The following IL9R variants were observed in gnomAD, a reference collection of about 807,000 sequenced individuals.
The protein encoded by IL9R is interleukin-9 receptor.
IL9R carries 54 observed loss-of-function variants against 56.3 expected under a neutral mutation model. The observed-to-expected ratio is 0.96, with a 90% CI of 0.77 to 1.20. The LOEUF is 1.20. Ranked by LOEUF, IL9R falls within the 50% of genes most tolerant of loss-of-function variation. The probability of loss-of-function intolerance (pLI) is 0.00; values close to 1 mark genes in which losing one functional copy is unlikely to be tolerated. For synonymous variants in IL9R, 212 were observed against 250.2 expected, an observed-to-expected ratio of 0.85 and a Z score of 1.44; for missense variants, 545 against 629.8, an observed-to-expected ratio of 0.87 and a Z score of 1.44.
intron 8 of IL9R, among the ~76,000 whole-genome samples, chrX:156,008,995 GTGTGTT>G (rs1435547763): frequency 4.6e-5 from 7 of 151,532 alleles, no homozygotes; most frequent in African/African-American, 9.7e-5. Flanking sequence ...TTAAGTCTGT[GTGTGTT>G]TGTGTGTGTG....
At chrX:155,998,935 AT>A (rs988073073) in intron 1 of IL9R, among the ~76,000 whole-genome samples, 30 of 151,844 alleles carry the variant, frequency 2.0e-4, no homozygotes, top group Non-Finnish European at 2.5e-4. Context: ...CACGGACATC[AT>A]TTTCCCGTCT....
In IL9R at chrX:156,005,287, C is replaced by T; in HGVS notation, c.589C>T (p.His197Tyr). 1 of 1,612,002 alleles carries T rather than the reference C, an allele frequency of 6.2e-7. No homozygotes were observed. ...KQEEAWEQAQHRDHIVGVTWL... is the reference protein window; with the variant it reads ...KQEEAWEQAQYRDHIVGVTWL... Reference sequence around the variant, plus strand: ...GTCCCCACCCCCACAGCAGGCCCAGCACAGGGATCACATTGTCGGGGTGAC... The same window carrying T: ...GTCCCCACCCCCACAGCAGGCCCAGTACAGGGATCACATTGTCGGGGTGAC... Residue 197 changes from histidine (H) to tyrosine (Y), a missense_variant, in exon 6 of 9, where the codon CAC becomes TAC. Transcript: ENST00000244174.
At chrX:156,001,653 G>T (rs988244220) in intron 1 of IL9R, 17 of 631,774 alleles carry the variant, frequency 2.7e-5, no homozygotes, top group African/African-American at 9.5e-5. Flanking sequence ...GTCTGTGTGC[G>T]TGTCTGGTTT....
intron 7 of IL9R, among the ~76,000 whole-genome samples, chrX:156,006,686 G>T (rs945466194): frequency 6.6e-6 from 1 of 152,118 alleles, no homozygotes; most frequent in Non-Finnish European, 1.5e-5. Context: ...TTACAAGACA[G>T]GGTGCAGGGG....
At chrX:156,008,987 A>ATGTCTGTGTGTGTTTGTGTGTGTGTTT (rs2068211360) in intron 8 of IL9R, among the ~76,000 whole-genome samples, 1 of 55,926 alleles carries the variant, frequency 1.8e-5, no homozygotes, top group Non-Finnish European at 4.1e-5. Flanking sequence ...GTGTGTGTTT[A>ATGTCTGTGTGTGTTTGTGTGTGTGTTT]AGTCTGTGTG....
chrX:156,004,588 C>T (rs755026750), intron 5 of IL9R, 23 bp downstream of exon 5: 3 of 1,611,386 alleles, frequency 1.9e-6, no homozygotes, highest in Non-Finnish European at 2.5e-6. Context: ...CTGGCTTTCC[C>T]TGGGGGCCTC....
chrX:156,009,330 GTGTGTT>G (rs2068313875), intron 8 of IL9R, among the ~76,000 whole-genome samples: 2 of 141,080 alleles, frequency 1.4e-5, no homozygotes, highest in African/African-American at 6.0e-5. Flanking sequence ...TTATGTCTGT[GTGTGTT>G]TGTGTGTGTG....
In IL9R at chrX:156,009,800, C is replaced by G. The variant is rs765444941; in HGVS notation, c.973-16C>G. 3 of 1,247,516 alleles carry G rather than the reference C, an allele frequency of 2.4e-6. 1 individual carries two copies. The East Asian group carries it at 1.4e-4, about 58-fold the overall frequency. The allele number at this position is 1,247,516 out of a possible 1,614,324, so 77.3% of individuals were successfully genotyped here. ...ATGCTACCTGAGCCCTTCCCTCCTCCCGTGCTCTGTTCCAGACTTGGATGG... is the reference window on the plus strand; with the variant it reads ...ATGCTACCTGAGCCCTTCCCTCCTCGCGTGCTCTGTTCCAGACTTGGATGG... On this transcript the variant is annotated splice_polypyrimidine_tract_variant and intron_variant, in intron 8 of 8. Transcript: ENST00000244174.
chrX:156,005,502 C>CA, intron 6 of IL9R, 23 bp downstream of exon 6: 1 of 1,601,736 alleles, frequency 6.2e-7, no homozygotes, highest in Non-Finnish European at 8.5e-7. Context: ...GTGGCTGCTG[C>CA]ACTTCCAGCG....
intron 8 of IL9R, among the ~76,000 whole-genome samples, chrX:156,008,513 A>G (rs927627086): frequency 1.3e-5 from 2 of 152,164 alleles, no homozygotes; most frequent in African/African-American, 4.8e-5. Context: ...GGTAGATGTG[A>G]CTGTCAGGAG....
chrX:156,000,616 G>T (rs1287918039), intron 1 of IL9R, among the ~76,000 whole-genome samples: 3 of 152,170 alleles, frequency 2.0e-5, no homozygotes, highest in African/African-American at 7.2e-5. Flanking sequence ...TCTCACAACC[G>T]GCCTGTTACC....
At chrX:156,002,833 G>T (rs191630521) in intron 1 of IL9R, 73 bp from the exon 2 acceptor site, 1 of 1,609,680 alleles carries the variant, frequency 6.2e-7, no homozygotes, top group East Asian at 2.2e-5. Context: ...CACTCTGCTG[G>T]GGAGCAATTC....
At chrX:156,003,987 A>T in intron 4 of IL9R, 132 bp downstream of exon 4, 2 of 972,608 alleles carry the variant, frequency 2.1e-6, no homozygotes, top group East Asian at 2.6e-5. Flanking sequence ...AGTGAGATCC[A>T]GGGCTGGGGG....
rs756740839 is a variant in IL9R, at chrX:156,003,843, C to A, written c.421C>A (p.Pro141Thr). Residue 141 changes from proline to threonine, a missense_variant, in exon 4 of 9, where the codon CCC (proline) becomes ACC (threonine). Pro to Thr is a conservative substitution (Grantham distance 38). Around this residue, in one of 2 missense-constraint regions of IL9R, gnomAD observed 431 missense variants for 360.0 expected, o/e 1.20. Coordinates refer to ENST00000244174, the MANE Select transcript of IL9R (RefSeq NM_002186.3). ...CAGCCTGGTGGACCCGGAGTACCTG[C>A]CCCGGAGACACGGTGAGCAGCAGCT... ...QVSLVDPEYL[P>T]RRHVKLDPPS... The A allele has an allele frequency of 8.7e-6, 14 of 1,613,744 alleles. No homozygotes were observed. The highest frequency in any genetic ancestry group is 1.1e-5 in the Non-Finnish European group (13 of 1,179,826).
At chrX:156,006,475 C>T (rs1289565620) in intron 7 of IL9R, among the ~76,000 whole-genome samples, 7 of 149,754 alleles carry the variant, frequency 4.7e-5, no homozygotes, top group Admixed American at 1.3e-4. Flanking sequence ...AGCTTGGTCC[C>T]GACCAGACCC....
At position 156,004,462 on chromosome X, in the gene IL9R, C is replaced by A. The variant is rs749128859; in HGVS notation, c.476C>A (p.Ser159Tyr). 1 of 1,613,896 alleles carries A rather than the reference C, an allele frequency of 6.2e-7. No homozygotes were observed. Among genetic ancestry groups the A allele is most frequent in the South Asian group, 1.1e-5 (1 of 91,050 alleles). The part of the protein sequence containing the change: ...PPSDLQSNIS[S>Y]GHCILTWSIS... ...TCTGACTTGCAGAGCAACATCAGTT[C>A]TGGCCACTGCATCCTGACCTGGAGC... Residue 159 changes from serine (S) to tyrosine (Y), a missense_variant, in exon 5 of 9, where the codon TCT becomes TAT. By Grantham distance (144) the Ser-to-Tyr change is moderately radical. This residue lies in a region of IL9R where 431 missense variants were observed against 360.0 expected (regional missense o/e 1.20). Transcript: ENST00000244174.
intron 1 of IL9R, 100 bp from the exon 2 acceptor site, chrX:156,002,806 G>C: frequency 1.3e-6 from 2 of 1,547,422 alleles, no homozygotes; most frequent in Non-Finnish European, 8.9e-7. Flanking sequence ...TGTGAGTGCA[G>C]GTGGGGACCC....
chrX:156,004,069 T>G lies in IL9R; in HGVS notation c.433+214T>G, dbSNP rs1194033566. On this transcript the variant is annotated intron_variant, in intron 4 of 8. Transcript: ENST00000244174. The stretch of plus-strand genomic sequence containing the variant: ...GCAGGGTTTTGGCAGGAAATAAACA[T>G]GCACGGCTGCTAGTTGGGGCAGGGG... The G allele has an allele frequency of 1.8e-5, 11 of 612,082 alleles. No homozygotes were observed. In the East Asian group the frequency reaches 2.7e-4, roughly 15 times the overall value. 37.9% of individuals were successfully genotyped at this position (612,082 alleles called of 1,614,324 possible).
intron 1 of IL9R, among the ~76,000 whole-genome samples, chrX:156,001,049 C>A (rs1320399465): frequency 6.6e-6 from 1 of 152,136 alleles, no homozygotes; most frequent in Non-Finnish European, 1.5e-5. Flanking sequence ...GGCCATACCC[C>A]CTTGTCGCTG....
Sources: allele counts gnomAD v4.1 joint callset (sites outside exome capture counted in the v4.1 genomes callset), GRCh38; gene constraint gnomAD v4.1.1; regional missense constraint gnomAD v4.1.1; transcripts MANE v1.5; gene names NCBI Gene and HGNC (gene_info 2026-07-23, HGNC 2026-07-21).